Variants in LMBRD2 observed in about 807,000 individuals in gnomAD.
LMBRD2 encodes the protein G protein-coupled receptor-associated protein LMBRD2.
Under a neutral mutation model 94.4 loss-of-function variants are expected in LMBRD2, and 55 were observed. The observed-to-expected ratio is 0.58, with a 90% CI of 0.47 to 0.73. The LOEUF is 0.73. Ranked by LOEUF, LMBRD2 falls within the 30% of genes least tolerant of loss-of-function variation. The probability of loss-of-function intolerance (pLI) is 0.00; values close to 1 mark genes in which losing one functional copy is unlikely to be tolerated. For synonymous variants in LMBRD2, 246 were observed against 272.4 expected, an observed-to-expected ratio of 0.90 and a Z score of 0.95; for missense variants, 640 against 831.9, an observed-to-expected ratio of 0.77 and a Z score of 2.84.
At position 36,114,434 on chromosome 5, in the gene LMBRD2, T is replaced by C; in HGVS notation, c.1630A>G (p.Thr544Ala). The C allele has an allele frequency of 6.4e-7, 1 of 1,557,524 alleles. No homozygotes were observed. The highest frequency in any genetic ancestry group is 8.6e-7 in the Non-Finnish European group (1 of 1,159,420). Residue 544 changes from threonine to alanine, a missense_variant, in exon 13 of 18, where the codon ACT becomes GCT. Physicochemically the swap from Thr to Ala is moderately conservative, Grantham distance 58 (BLOSUM62 0). Around this residue, in one of 2 missense-constraint regions of LMBRD2, gnomAD observed 183 missense variants for 189.1 expected, o/e 0.97. Coordinates refer to ENST00000296603, the MANE Select transcript of LMBRD2 (RefSeq NM_001007527.2). ...PMLVVILCIA[T>A]YFSLGTRCLN... ...TGTTAAGTTTCTTACCTAAAATAAGTAGCAATGCAGAGAATTACCACCAAC... is the reference window on the plus strand; with the variant it reads ...TGTTAAGTTTCTTACCTAAAATAAGCAGCAATGCAGAGAATTACCACCAAC...
chr5:36,138,671 A>G (rs1179027432), intron 4 of LMBRD2, among the ~76,000 whole-genome samples: 2 of 152,162 alleles, frequency 1.3e-5, no homozygotes. Flanking sequence ...ACTAAACACA[A>G]TCTATGCATT....
intron 4 of LMBRD2, among the ~76,000 whole-genome samples, chr5:36,140,409 G>C (rs929455025): frequency 6.6e-6 from 1 of 152,220 alleles, no homozygotes; most frequent in Non-Finnish European, 1.5e-5. Context: ...AGCGGAATAA[G>C]CCCAGCGGGC....
At position 36,099,712 on chromosome 5, in the gene LMBRD2, C is replaced by CAAAAAAGGAAATATTTTCAGTGA. The variant is rs1743308349; in HGVS notation, c.*4311_*4333dup. 6.6e-6 allele frequency: 1 copy of CAAAAAAGGAAATATTTTCAGTGA among 151,822 alleles called. No homozygotes were observed. The highest frequency in any genetic ancestry group is 6.6e-5 in the Admixed American group (1 of 15,226). The allele number at this position is 151,822 out of a possible 1,614,324, so 9.4% of individuals were successfully genotyped here. ...CAAAATAATCTGAGATCAAGATAAC[C>CAAAAAAGGAAATATTTTCAGTGA]AAAAAAGGAAATATTTTCAGTGAAA... On this transcript the variant is annotated 3_prime_UTR_variant, in exon 18 of 18. Transcript: ENST00000296603.
At chr5:36,122,485 GAC>G in intron 8 of LMBRD2, 22 bp from the exon 9 acceptor site, 1 of 1,597,354 alleles carries the variant, frequency 6.3e-7, no homozygotes, top group East Asian at 2.2e-5. Context: ...AATGGGGGTA[GAC>G]CTGGCAGTGT....
rs1008624906 is a variant in LMBRD2, at chr5:36,101,123, G to C, written c.*2923C>G. 8 of 151,944 alleles carry C rather than the reference G, an allele frequency of 5.3e-5. No individual in the cohort carries two copies. Among genetic ancestry groups the C allele is most frequent in the Middle Eastern group, 3.4e-3 (1 of 294 alleles). 9.4% of individuals were successfully genotyped at this position (151,944 alleles called of 1,614,324 possible). ...TTCTTACCATTTCTGTGAAATGAGGGCCTCTTATGCAATGAGATTATTCAA... is the reference window on the plus strand; with the variant it reads ...TTCTTACCATTTCTGTGAAATGAGGCCCTCTTATGCAATGAGATTATTCAA... On this transcript the variant is annotated 3_prime_UTR_variant, in exon 18 of 18. Transcript: ENST00000296603.
rs73078101 is a variant in LMBRD2, at chr5:36,118,050, G to A, written c.1121-134C>T. On this transcript the variant is annotated intron_variant, in intron 9 of 17. Transcript: ENST00000296603. Reference sequence around the variant, plus strand: ...CAGCAATTTTACAGTGGAGAATCCAGGCAGATACGAACCTAACCAAATGAC... The same window carrying A: ...CAGCAATTTTACAGTGGAGAATCCAAGCAGATACGAACCTAACCAAATGAC... The A allele has an allele frequency of 5.6e-5, 38 of 679,812 alleles. No homozygotes were observed. In the African/African-American group the frequency reaches 6.6e-4, roughly 12 times the overall value. 42.1% of individuals were successfully genotyped at this position (679,812 alleles called of 1,614,324 possible).
Position 36,124,251 on chromosome 5 carries a change from C to A in LMBRD2, c.762G>T (p.Val254=). The change falls in exon 7 of 18, where the codon GTG becomes GTT. Residue 254 remains valine (V), a synonymous_variant. Transcript: ENST00000296603. ...GGTGATTATACTTGATGCTTTCATT[C>A]ACTTTACGAACCTCCTATAAAAACA... The part of the protein sequence containing the change: ...LEDAMEEVRK[V]NESIKYNHPL... 1 of 1,581,582 alleles carries A rather than the reference C, an allele frequency of 6.3e-7. No homozygotes were observed. Among genetic ancestry groups the A allele is most frequent in the South Asian group, 1.1e-5 (1 of 89,412 alleles).
rs1744460937 is a variant in LMBRD2 at position 36,143,259 on chromosome 5, G to C, written c.91C>G (p.His31Asp). The C allele has an allele frequency of 6.2e-7, 1 of 1,611,750 alleles. No individual in the cohort carries two copies. Among genetic ancestry groups the C allele is most frequent in the Non-Finnish European group, 8.5e-7 (1 of 1,178,060 alleles). ...AGTGTTCCAATAATCACAAGTCTAT[G>C]CTGTTTCTTAAAGTCTCCATATCGA... ...LHRYGDFKKQ[H>D]RLVIIGTLLA... The change falls in exon 2 of 18, where the codon CAT becomes GAT. Residue 31 changes from histidine (H) to aspartate (D), a missense_variant. His to Asp is a moderately conservative substitution (Grantham distance 81, BLOSUM62 -1). Coordinates refer to ENST00000296603, the MANE Select transcript of LMBRD2 (RefSeq NM_001007527.2).
Position 36,116,536 on chromosome 5 carries a change from T to C in LMBRD2, c.1360A>G (p.Arg454Gly), listed in dbSNP as rs1743748730. Residue 454 changes from arginine (R) to glycine (G), a missense_variant, in exon 11 of 18, where the codon AGG becomes GGG. Physicochemically the swap from Arg to Gly is moderately radical, Grantham distance 125 (BLOSUM62 -2). Coordinates refer to ENST00000296603, the MANE Select transcript of LMBRD2 (RefSeq NM_001007527.2). ...TAATAATAGTTAAATACACGAATCC[T>C]GAACACAGTAGAATAAACACAGATA... is the stretch of plus-strand genomic sequence containing the variant. ...LSICVYSTVF[R>G]IRVFNYYYLA... The C allele has an allele frequency of 1.9e-6, 3 of 1,613,188 alleles. No homozygotes were observed. The South Asian group carries it at 3.3e-5, about 18-fold the overall frequency.
chr5:36,116,232 A>T (rs1257567440), intron 11 of LMBRD2, among the ~76,000 whole-genome samples: 1 of 152,164 alleles, frequency 6.6e-6, no homozygotes, highest in African/African-American at 2.4e-5. Context: ...CTCACTAAGT[A>T]TGCTTCTTCT....
intron 7 of LMBRD2, 102 bp from the exon 8 acceptor site, chr5:36,123,063 C>T: frequency 8.6e-7 from 1 of 1,163,936 alleles, no homozygotes; most frequent in Non-Finnish European, 1.1e-6. Context: ...CTAATTTTCT[C>T]AAAAACATCT....
Position 36,123,796 on chromosome 5 carries a change from A to G in LMBRD2, c.822+395T>C, listed in dbSNP as rs145066099. ...CATCATTCATTTTATGATATATGTC[A>G]TGAATATATTAATGAAATATATTTG... is the stretch of plus-strand genomic sequence containing the variant. On this transcript the variant is annotated intron_variant, in intron 7 of 17. Coordinates refer to ENST00000296603, the MANE Select transcript of LMBRD2 (RefSeq NM_001007527.2). 6.3e-3 allele frequency among the ~76,000 whole-genome samples: 958 copies of G among 151,314 alleles called. 7 individuals carry two copies. The highest frequency in any genetic ancestry group is 0.01 in the Non-Finnish European group (702 of 67,722).
At position 36,137,261 on chromosome 5, in the gene LMBRD2, CT is replaced by C. The variant is rs1322162167; in HGVS notation, c.536+12del. 2.0e-6 allele frequency: 3 copies of C among 1,520,184 alleles called. No homozygotes were observed. In the East Asian group the frequency reaches 6.8e-5, roughly 35 times the overall value. 94.2% of individuals were successfully genotyped at this position (1,520,184 alleles called of 1,614,324 possible). ...ATACATTAAAGCAATGTTAAGAAGA[CT>C]ACTTTTCTTACCATTCTAAATGTAA... On this transcript the variant is annotated intron_variant, in intron 5 of 17. Coordinates refer to ENST00000296603, the MANE Select transcript of LMBRD2 (RefSeq NM_001007527.2).
At chr5:36,111,402 A>G in intron 13 of LMBRD2, 144 bp from the exon 14 acceptor site, 2 of 684,060 alleles carry the variant, frequency 2.9e-6, no homozygotes, top group Non-Finnish European at 5.2e-6. Context: ...CACATCTGAC[A>G]TGCTTCAGGA....
intron 6 of LMBRD2, among the ~76,000 whole-genome samples, chr5:36,128,480 G>C (rs1039266512): frequency 6.6e-6 from 1 of 152,116 alleles, no homozygotes; most frequent in African/African-American, 2.4e-5. Context: ...CCAGCACTTT[G>C]GGAGGCTAAG....
chr5:36,122,889 T>C lies in LMBRD2; in HGVS notation c.895A>G (p.Ile299Val), dbSNP rs377639364. 1.9e-6 allele frequency: 3 copies of C among 1,591,824 alleles called. No homozygotes were observed. Among genetic ancestry groups the C allele is most frequent in the Non-Finnish European group, 1.7e-6 (2 of 1,172,860 alleles). The change falls in exon 8 of 18, where the codon ATC (isoleucine) becomes GTC (valine). Residue 299 changes from isoleucine to valine, a missense_variant. Coordinates refer to ENST00000296603, the MANE Select transcript of LMBRD2 (RefSeq NM_001007527.2). ...DYEDFDEKHSIYPSEKSLVKL... is the reference protein window; with the variant it reads ...DYEDFDEKHSVYPSEKSLVKL... ...ACCAGACTTTTTTCACTTGGATAGA[T>C]ACTATGCTTTTCATCAAAATCTTCA...
intron 11 of LMBRD2, among the ~76,000 whole-genome samples, chr5:36,115,448 C>T (rs1050445303): frequency 6.6e-6 from 1 of 152,134 alleles, no homozygotes; most frequent in Non-Finnish European, 1.5e-5. Context: ...CACAGCATGA[C>T]AAGGACAGTA....
At chr5:36,143,840 CTATAATT>C (rs1744475135) in intron 1 of LMBRD2, among the ~76,000 whole-genome samples, 1 of 151,784 alleles carries the variant, frequency 6.6e-6, no homozygotes, top group Non-Finnish European at 1.5e-5. Flanking sequence ...TATTCATCCT[CTATAATT>C]TAAGATTTTC....
Position 36,148,083 on chromosome 5 carries a change from C to A in LMBRD2, c.-58+3473G>T, listed in dbSNP as rs189171470. 57 of 209,422 alleles carry A rather than the reference C, an allele frequency of 2.7e-4. 1 individual carries two copies. The Admixed American group carries it at 3.3e-3, about 12-fold the overall frequency. 13.0% of individuals were successfully genotyped at this position (209,422 alleles called of 1,614,324 possible). A position where few individuals can be genotyped will look rare whatever the true frequency, so the allele number is the denominator to read the frequency against. On this transcript the variant is annotated intron_variant, in intron 1 of 17. Transcript: ENST00000296603. ...TCCTAATTATGAAAAATCAAAAGAA[C>A]CAGAATTAGAAGTGAATGATTAAGT... is the stretch of plus-strand genomic sequence containing the variant.
Sources: gnomAD v4.1 joint callset for allele counts (sites outside exome capture counted in the v4.1 genomes callset) on GRCh38, gnomAD v4.1.1 for gene constraint, gnomAD v4.1.1 regional missense constraint, MANE v1.5 for transcripts, NCBI Gene and HGNC (gene_info 2026-07-23, HGNC 2026-07-21) for gene names.